The following TTC6 variants were observed in gnomAD, a reference collection of about 807,000 sequenced individuals.
The protein encoded by TTC6 is tetratricopeptide repeat domain 6.
TTC6 carries 172 observed loss-of-function variants against 210.4 expected under a neutral mutation model. That is an observed-to-expected ratio of 0.82 (90% CI 0.72 to 0.93). The LOEUF (loss-of-function observed/expected upper bound fraction) is 0.93. Among genes scored for constraint, TTC6 ranks in the 40% least tolerant of loss-of-function variants. The pLI is 0.00. For missense variants in TTC6, 2,414 were observed against 2,318.1 expected (o/e 1.04, Z -0.85); for synonymous variants, 804 against 819.6 (o/e 0.98, Z 0.32).
chr14:37,800,684 G>A (rs2096104330), intron 20 of TTC6, among the ~76,000 whole-genome samples: 1 of 152,190 alleles, frequency 6.6e-6, no homozygotes, highest in African/African-American at 2.4e-5. Context: ...AGGCATCTCA[G>A]CAGTAGGCCG....
chr14:37,789,892 A>G (rs1277789689), intron 15 of TTC6, among the ~76,000 whole-genome samples: 1 of 152,024 alleles, frequency 6.6e-6, no homozygotes, highest in Non-Finnish European at 1.5e-5. Flanking sequence ...CATTATGCAT[A>G]TTTTGACAAA....
At chr14:37,798,756 T>C (rs1432916514) in intron 20 of TTC6, among the ~76,000 whole-genome samples, 1 of 152,104 alleles carries the variant, frequency 6.6e-6, no homozygotes, top group Non-Finnish European at 1.5e-5. Flanking sequence ...AAAATAAAGA[T>C]TACATAATCT....
At chr14:37,649,615 T>G (rs1266360040) in intron 1 of TTC6, among the ~76,000 whole-genome samples, 1 of 152,228 alleles carries the variant, frequency 6.6e-6, no homozygotes, top group Admixed American at 6.5e-5. Context: ...GGCTCTTGTC[T>G]GTAACTTTAT....
rs915049682 is a variant in TTC6, at chr14:37,752,874, C to T, written c.3130-225C>T. Among the ~76,000 whole-genome samples the T allele has an allele frequency of 6.6e-5, 10 of 150,920 alleles. No individual in the cohort carries two copies. The East Asian group carries it at 7.7e-4, about 12-fold the overall frequency. On this transcript the variant is annotated intron_variant, in intron 13 of 30. Coordinates refer to ENST00000553443, the Ensembl canonical transcript of TTC6. ...AGAAGCCTGGGCTTCCTGTATATGC[C>T]GGTTTTTTTTTTCTCTTAAAAAATA... is the stretch of plus-strand genomic sequence containing the variant.
intron 14 of TTC6, among the ~76,000 whole-genome samples, chr14:37,755,133 T>C (rs564488174): frequency 2.3e-4 from 35 of 152,130 alleles, no homozygotes; most frequent in African/African-American, 8.4e-4. Flanking sequence ...GTGGTTTTGA[T>C]TTGCATTGAT....
intron 29 of TTC6, 44 bp downstream of exon 31, chr14:37,827,410 C>A (rs2096174683): frequency 6.3e-7 from 1 of 1,583,804 alleles, no homozygotes; most frequent in Non-Finnish European, 8.6e-7. Context: ...ACCTGGAATG[C>A]TTTCTTTATT....
intron 14 of TTC6, among the ~76,000 whole-genome samples, chr14:37,782,557 A>G (rs529393773): frequency 3.3e-5 from 5 of 151,874 alleles, no homozygotes; most frequent in African/African-American, 1.2e-4. Flanking sequence ...TGAATATACA[A>G]TCATGTCATC....
At chr14:37,704,281 C>T (rs961672458) in intron 5 of TTC6, among the ~76,000 whole-genome samples, 2 of 152,018 alleles carry the variant, frequency 1.3e-5, no homozygotes, top group African/African-American at 4.8e-5. Flanking sequence ...TCTCGAACTC[C>T]TAGCCTTAAG....
chr14:37,605,377 C>A (rs1336707789), intron 1 of TTC6, among the ~76,000 whole-genome samples: 1 of 152,094 alleles, frequency 6.6e-6, no homozygotes, highest in Admixed American at 6.6e-5. Context: ...TAATCAGGAT[C>A]CGGGTGGATA....
intron 3 of TTC6, 54 bp downstream of exon 5, chr14:37,683,018 G>A: frequency 6.7e-7 from 1 of 1,497,294 alleles, no homozygotes; most frequent in Non-Finnish European, 9.0e-7. Flanking sequence ...TTGAGGATGT[G>A]CAGGTGTGAA....
intron 6 of TTC6, among the ~76,000 whole-genome samples, chr14:37,722,299 A>C (rs1295405750): frequency 6.6e-6 from 1 of 152,090 alleles, no homozygotes; most frequent in Middle Eastern, 3.2e-3. Context: ...GTTGCTTCTA[A>C]TATTTTCCTA....
intron 6 of TTC6, 52 bp from the exon 9 acceptor site, chr14:37,724,846 T>C: frequency 9.1e-7 from 1 of 1,099,434 alleles, no homozygotes; most frequent in Non-Finnish European, 1.2e-6. Flanking sequence ...GAGTTTTTAC[T>C]CTCAAGGCCA....
chr14:37,724,346 A>G (rs1377790138), intron 6 of TTC6, among the ~76,000 whole-genome samples: 3 of 152,134 alleles, frequency 2.0e-5, no homozygotes, highest in African/African-American at 7.2e-5. Flanking sequence ...ATACATTTAT[A>G]TAAATGACAT....
intron 14 of TTC6, among the ~76,000 whole-genome samples, chr14:37,784,302 C>T (rs984580102): frequency 1.3e-5 from 2 of 152,162 alleles, no homozygotes; most frequent in African/African-American, 4.8e-5. Flanking sequence ...AATCTGGGTG[C>T]TCCTGTATTG....
intron 27 of TTC6, 109 bp downstream of exon 29, chr14:37,824,066 T>A: frequency 9.7e-7 from 1 of 1,035,504 alleles, no homozygotes; most frequent in Non-Finnish European, 1.4e-6. Flanking sequence ...TATGAACATT[T>A]ACCTTTTCTT....
chr14:37,802,924 G>C (rs527359871), intron 20 of TTC6, among the ~76,000 whole-genome samples: 1 of 151,814 alleles, frequency 6.6e-6, no homozygotes, highest in Non-Finnish European at 1.5e-5. Context: ...GTAGAGATGG[G>C]GTTTCACCAT....
chr14:37,834,827 A>G (rs977791509), intron 29 of TTC6, among the ~76,000 whole-genome samples: 5 of 152,086 alleles, frequency 3.3e-5, no homozygotes, highest in African/African-American at 1.2e-4. Context: ...TAGCTTCCAT[A>G]GGGAAAGACT....
At chr14:37,697,764 CAAAT>C (rs1473056253) in intron 4 of TTC6, among the ~76,000 whole-genome samples, 5 of 152,118 alleles carry the variant, frequency 3.3e-5, no homozygotes, top group African/African-American at 1.2e-4. Context: ...TGTATTAAAA[CAAAT>C]AGTCACAGCA....
chr14:37,767,802 T>C (rs1030756380), intron 14 of TTC6, among the ~76,000 whole-genome samples: 7 of 151,234 alleles, frequency 4.6e-5, no homozygotes, highest in Admixed American at 2.6e-4. Flanking sequence ...CTCTTTAGTT[T>C]AATTAGATCC....
Sources: allele counts gnomAD v4.1 joint callset (sites outside exome capture counted in the v4.1 genomes callset), GRCh38; gene constraint gnomAD v4.1.1; transcripts MANE v1.5; gene names NCBI Gene and HGNC (gene_info 2026-07-23, HGNC 2026-07-21).